The following PRLR variants were observed in gnomAD, a reference collection of about 807,000 sequenced individuals.
The protein encoded by PRLR is hPRL receptor.
A neutral mutation model predicts 40.2 loss-of-function variants in PRLR; 13 were observed. The observed-to-expected ratio is 0.32, with a 90% confidence interval of 0.21 to 0.51. PRLR has a LOEUF of 0.51. Ranked by LOEUF, PRLR falls within the 20% of genes least tolerant of loss-of-function variation. The pLI is 0.97. For missense variants in PRLR, 656 were observed against 747.3 expected, an observed-to-expected ratio of 0.88 and a Z score of 1.42; for synonymous variants, 269 against 278.7, an observed-to-expected ratio of 0.97 and a Z score of 0.35.
At chr5:35,051,229 A>G (rs1768487283), downstream of PRLR, among the ~76,000 whole-genome samples, 1 of 152,214 alleles carries the variant, frequency 6.6e-6, no homozygotes, top group Non-Finnish European at 1.5e-5. Context: ...GCACATCCGT[A>G]CTGCTAACTG....
At chr5:35,141,575 A>C (rs1473053488) in intron 1 of PRLR, among the ~76,000 whole-genome samples, 2 of 152,236 alleles carry the variant, frequency 1.3e-5, no homozygotes, top group South Asian at 4.1e-4. Context: ...ACAAAAAAGC[A>C]ACCATGAAGA....
At chr5:35,137,521 C>T (rs2111806704) in intron 1 of PRLR, among the ~76,000 whole-genome samples, 1 of 152,264 alleles carries the variant, frequency 6.6e-6, no homozygotes, top group African/African-American at 2.4e-5. Flanking sequence ...TAAGAAAGTT[C>T]CTGTCTTACA....
rs567450085 is a variant in PRLR, at chr5:35,058,217, T to G, written c.*6872A>C. On this transcript the variant is annotated 3_prime_UTR_variant, in exon 10 of 10. Coordinates refer to ENST00000618457, the MANE Select transcript of PRLR (RefSeq NM_000949.7). ...TAGTGTTGGGGAATTTTGCTTGGCA[T>G]TTTCTAGGGAAAGAGGAAAAGCAGA... 1 of 152,330 alleles carries G rather than the reference T, an allele frequency of 6.6e-6. No individual in the cohort carries two copies. Among genetic ancestry groups the G allele is most frequent in the African/African-American group, 2.4e-5 (1 of 41,582 alleles). The allele number at this position is 152,330 out of a possible 1,614,324, so 9.4% of individuals were successfully genotyped here.
intron 2 of PRLR, among the ~76,000 whole-genome samples, chr5:35,098,012 C>A (rs1390720015): frequency 6.6e-6 from 1 of 152,136 alleles, no homozygotes; most frequent in African/African-American, 2.4e-5. Flanking sequence ...GGGGTGTGAT[C>A]TGTTGGGTTA....
chr5:35,187,198 T>A (rs1028976310), intron 1 of PRLR, among the ~76,000 whole-genome samples: 4 of 152,070 alleles, frequency 2.6e-5, no homozygotes, highest in Non-Finnish European at 2.9e-5. Context: ...GTCAGGAGTT[T>A]GAGACCAGTC....
chr5:35,186,161 G>T (rs954244719), intron 1 of PRLR, among the ~76,000 whole-genome samples: 1 of 152,054 alleles, frequency 6.6e-6, no homozygotes, highest in Non-Finnish European at 1.5e-5. Context: ...AAAGGGAATG[G>T]AAAATATCTC....
At chr5:35,175,828 C>A (rs1044060402) in intron 1 of PRLR, among the ~76,000 whole-genome samples, 1 of 151,944 alleles carries the variant, frequency 6.6e-6, no homozygotes, top group Non-Finnish European at 1.5e-5. Flanking sequence ...TCACTTTCTT[C>A]TTCTTATTGT....
At chr5:35,112,852 C>T (rs1187614781) in intron 2 of PRLR, among the ~76,000 whole-genome samples, 4 of 152,154 alleles carry the variant, frequency 2.6e-5, no homozygotes, top group Non-Finnish European at 5.9e-5. Flanking sequence ...TTTTATTCAG[C>T]TTCCCTCAGG....
chr5:35,114,198 A>G (rs1561311870), intron 2 of PRLR, among the ~76,000 whole-genome samples: 2 of 152,172 alleles, frequency 1.3e-5, no homozygotes, highest in Non-Finnish European at 2.9e-5. Flanking sequence ...AAGTAACCCC[A>G]TCGCTTGAGA....
intron 1 of PRLR, among the ~76,000 whole-genome samples, chr5:35,141,244 A>C (rs940951839): frequency 1.2e-4 from 18 of 152,172 alleles, no homozygotes; most frequent in East Asian, 7.7e-4. Context: ...CTGAAAAAAA[A>C]AAACAAACCC....
intron 7 of PRLR, 26 bp from the exon 8 acceptor site, chr5:35,068,904 T>C: frequency 3.3e-6 from 5 of 1,528,104 alleles, no homozygotes; most frequent in Non-Finnish European, 4.5e-6. Context: ...CCAGAAAGCT[T>C]TGATCACGTA....
At chr5:35,164,676 A>T (rs1774769592) in intron 1 of PRLR, among the ~76,000 whole-genome samples, 1 of 152,144 alleles carries the variant, frequency 6.6e-6, no homozygotes, top group Non-Finnish European at 1.5e-5. Flanking sequence ...TAAATTAGTG[A>T]TACAGATTTT....
intron 2 of PRLR, among the ~76,000 whole-genome samples, chr5:35,099,959 G>A (rs1439860481): frequency 6.6e-6 from 1 of 151,980 alleles, no homozygotes. Context: ...GGCAGATCAT[G>A]AGGTCAGGAG....
chr5:35,158,794 A>G (rs1219556104), intron 1 of PRLR, among the ~76,000 whole-genome samples: 2 of 152,158 alleles, frequency 1.3e-5, no homozygotes, highest in Non-Finnish European at 2.9e-5. Flanking sequence ...GAAAGGCTGG[A>G]GCCCGTCTTT....
At chr5:35,171,417 C>T (rs1333036492) in intron 1 of PRLR, among the ~76,000 whole-genome samples, 1 of 152,114 alleles carries the variant, frequency 6.6e-6, no homozygotes, top group Admixed American at 6.5e-5. Flanking sequence ...TACAGAGTGG[C>T]CTGTGTTTTT....
rs577501531 is a variant in PRLR, at chr5:35,086,351, C to T, written c.71-11G>A. Reference sequence around the variant, plus strand: ...CAGGAGGTAACTGTCCTAGAAAAAGCCAGAAGCCACTGCATCAATATTGAG... The same window carrying T: ...CAGGAGGTAACTGTCCTAGAAAAAGTCAGAAGCCACTGCATCAATATTGAG... On this transcript the variant is annotated splice_polypyrimidine_tract_variant and intron_variant, in intron 3 of 9. Coordinates refer to ENST00000618457, the MANE Select transcript of PRLR (RefSeq NM_000949.7). The T allele has an allele frequency of 6.2e-7, 1 of 1,612,196 alleles. No individual in the cohort carries two copies. The highest frequency in any genetic ancestry group is 1.3e-5 in the African/African-American group (1 of 74,964).
At chr5:35,215,746 GAAGT>G (rs1169907330) in intron 1 of PRLR, among the ~76,000 whole-genome samples, 7 of 151,656 alleles carry the variant, frequency 4.6e-5, no homozygotes. Flanking sequence ...TTTAGAAATA[GAAGT>G]AAGGGCCGGG....
intron 2 of PRLR, among the ~76,000 whole-genome samples, chr5:35,114,189 A>G (rs991575854): frequency 1.3e-5 from 2 of 152,198 alleles, no homozygotes; most frequent in Admixed American, 1.3e-4. Context: ...ACAGGTACCA[A>G]GTAACCCCAT....
intron 1 of PRLR, among the ~76,000 whole-genome samples, chr5:35,224,318 A>C (rs1776498184): frequency 6.6e-6 from 1 of 152,184 alleles, no homozygotes; most frequent in Non-Finnish European, 1.5e-5. Context: ...TTTTTAGAGC[A>C]AGAGGTCTCT....
Sources: allele counts gnomAD v4.1 joint callset (sites outside exome capture counted in the v4.1 genomes callset), GRCh38; gene constraint gnomAD v4.1.1; transcripts MANE v1.5; gene names NCBI Gene and HGNC (gene_info 2026-07-23, HGNC 2026-07-21).